The following KIAA0825 variants were observed in gnomAD, a reference collection of about 807,000 sequenced individuals.
The protein encoded by KIAA0825 is KIAA0825.
In KIAA0825, 119 loss-of-function variants were observed where a neutral mutation model predicts 147.6. The ratio of observed to expected loss-of-function variants is 0.81; its 90% CI spans 0.69 to 0.94. The LOEUF (loss-of-function observed/expected upper bound fraction) is 0.94, where lower values mean the gene tolerates loss of function less well. KIAA0825 is among the 40% of genes least tolerant of loss of function. KIAA0825 has a pLI of 0.00. For synonymous variants in KIAA0825, 470 were observed against 518.1 expected (o/e 0.91, Z 1.26); for missense variants, 1,381 against 1,472.7 (o/e 0.94, Z 1.02).
At chr5:94,532,781 T>G (rs1453056610) in intron 3 of KIAA0825, among the ~76,000 whole-genome samples, 1 of 149,244 alleles carries the variant, frequency 6.7e-6, no homozygotes, top group East Asian at 2.0e-4. Context: ...GTGATCTTCC[T>G]GCCTTGGCCT....
intron 14 of KIAA0825, among the ~76,000 whole-genome samples, chr5:94,430,502 C>T (rs913266695): frequency 3.9e-5 from 6 of 152,130 alleles, no homozygotes; most frequent in African/African-American, 1.4e-4. Context: ...CCACTTAAAA[C>T]ATCAAGTGCG....
intron 1 of KIAA0825, among the ~76,000 whole-genome samples, chr5:94,602,986 G>A (rs10039801): frequency 0.33 from 49,402 of 151,744 alleles, 8,485 homozygotes; most frequent in African/African-American, 0.36. Context: ...CTGCCATTGC[G>A]TCAGGCTAAT....
intron 12 of KIAA0825, among the ~76,000 whole-genome samples, chr5:94,459,921 TATC>T (rs1259350555): frequency 6.6e-6 from 1 of 152,134 alleles, no homozygotes; most frequent in African/African-American, 2.4e-5. Flanking sequence ...AAATAAAAAA[TATC>T]ATCAGCTTTT....
At chr5:94,602,526 A>T (rs975042516) in intron 1 of KIAA0825, among the ~76,000 whole-genome samples, 1 of 152,140 alleles carries the variant, frequency 6.6e-6, no homozygotes, top group Admixed American at 6.5e-5. Context: ...TGTTGTTGAG[A>T]GGAACCCTCT....
In KIAA0825 at chr5:94,179,845, CATGAATCCATACTAAT is replaced by C. The variant is rs539898004; in HGVS notation, c.3711-25737_3711-25722del. On this transcript the variant is annotated intron_variant, in intron 20 of 20. Transcript: ENST00000682413. ...ATAACCAAATAATAAAATAAATATA[CATGAATCCATACTAAT>C]ATAAATAATAACTGAGTAAATTGGG... Among the ~76,000 whole-genome samples the C allele has an allele frequency of 5.3e-3, 807 of 152,020 alleles. 8 individuals carry two copies. Among genetic ancestry groups the C allele is most frequent in the African/African-American group, 0.018 (751 of 41,488 alleles).
chr5:94,153,833 A>G lies in KIAA0825; in HGVS notation c.*174T>C. Reference sequence around the variant, plus strand: ...ATTTGAAATTATTTTTAAAATAAAAAAATATGTAGCACCTTATCCTTTATG... The same window carrying G: ...ATTTGAAATTATTTTTAAAATAAAAGAATATGTAGCACCTTATCCTTTATG... On this transcript the variant is annotated 3_prime_UTR_variant, in exon 21 of 21. Coordinates refer to ENST00000682413, the MANE Select transcript of KIAA0825 (RefSeq NM_001145678.3). The G allele has an allele frequency of 2.3e-6, 1 of 436,848 alleles. No homozygotes were observed. The highest frequency in any genetic ancestry group is 3.3e-5 in the East Asian group (1 of 30,440). 27.1% of individuals were successfully genotyped at this position (436,848 alleles called of 1,614,324 possible).
At chr5:94,428,527 A>C (rs930602775) in intron 14 of KIAA0825, among the ~76,000 whole-genome samples, 1 of 152,080 alleles carries the variant, frequency 6.6e-6, no homozygotes, top group African/African-American at 2.4e-5. Flanking sequence ...TGGGATATGA[A>C]ATTGTTGGTT....
chr5:94,250,583 C>G (rs1775898604), intron 20 of KIAA0825, among the ~76,000 whole-genome samples: 1 of 152,062 alleles, frequency 6.6e-6, no homozygotes, highest in Non-Finnish European at 1.5e-5. Flanking sequence ...TAACCGGAAG[C>G]TCATGTTAGA....
intron 1 of KIAA0825, chr5:94,592,830 T>A: frequency 2.0e-6 from 1 of 507,688 alleles, no homozygotes; most frequent in Non-Finnish European, 3.7e-6. Flanking sequence ...TAAGAGCTAT[T>A]TGTCCATTCT....
intron 20 of KIAA0825, among the ~76,000 whole-genome samples, chr5:94,294,846 C>T (rs543790712): frequency 6.6e-6 from 1 of 152,168 alleles, no homozygotes; most frequent in Non-Finnish European, 1.5e-5. Context: ...CTCTGGCTGC[C>T]CTTAACATTG....
intron 20 of KIAA0825, among the ~76,000 whole-genome samples, chr5:94,289,824 G>C (rs1314443505): frequency 6.6e-6 from 1 of 151,706 alleles, no homozygotes; most frequent in African/African-American, 2.4e-5. Context: ...AAGATCACTT[G>C]AGCCCAGGAG....
intron 5 of KIAA0825, among the ~76,000 whole-genome samples, chr5:94,502,402 T>C (rs941982904): frequency 6.6e-5 from 10 of 152,122 alleles, no homozygotes; most frequent in Non-Finnish European, 1.5e-4. Context: ...CCAGACCCAA[T>C]TGCACTGAAA....
At chr5:94,243,198 A>G (rs565035724) in intron 20 of KIAA0825, among the ~76,000 whole-genome samples, 7 of 152,328 alleles carry the variant, frequency 4.6e-5, no homozygotes, top group Non-Finnish European at 8.8e-5. Flanking sequence ...ATGTTCATCA[A>G]ATTCTTGCTT....
chr5:94,354,179 G>C (rs1009679695), intron 20 of KIAA0825, among the ~76,000 whole-genome samples: 6 of 152,076 alleles, frequency 3.9e-5, no homozygotes, highest in African/African-American at 1.4e-4. Context: ...TTCCTACCAA[G>C]AATTCCCAGG....
intron 20 of KIAA0825, among the ~76,000 whole-genome samples, chr5:94,156,255 C>T (rs1382516366): frequency 6.6e-6 from 1 of 152,060 alleles, no homozygotes; most frequent in Non-Finnish European, 1.5e-5. Context: ...AATTAACAAT[C>T]GTGGCTTAAA....
At chr5:94,156,751 G>GA (rs1209878324) in intron 20 of KIAA0825, among the ~76,000 whole-genome samples, 1 of 151,904 alleles carries the variant, frequency 6.6e-6, no homozygotes, top group Non-Finnish European at 1.5e-5. Context: ...TTATTAAGAA[G>GA]AAATCATTTC....
At chr5:94,386,558 T>C (rs1749169668) in intron 18 of KIAA0825, among the ~76,000 whole-genome samples, 154 bp from the exon 19 acceptor site, 1 of 151,494 alleles carries the variant, frequency 6.6e-6, no homozygotes, top group Non-Finnish European at 1.5e-5. Flanking sequence ...AGAAGATACA[T>C]AGTAGAGTAC....
chr5:94,616,333 C>T (rs571012869), intron 1 of KIAA0825, among the ~76,000 whole-genome samples: 1 of 152,106 alleles, frequency 6.6e-6, no homozygotes, highest in Non-Finnish European at 1.5e-5. Flanking sequence ...GAAAATTAGG[C>T]TATTTCTGTT....
At chr5:94,230,839 A>G (rs1774628048) in intron 20 of KIAA0825, among the ~76,000 whole-genome samples, 1 of 152,158 alleles carries the variant, frequency 6.6e-6, no homozygotes, top group Non-Finnish European at 1.5e-5. Context: ...GATCTTCCTC[A>G]CGTCCTTCCC....
Sources: allele counts gnomAD v4.1 joint callset (sites outside exome capture counted in the v4.1 genomes callset), GRCh38; gene constraint gnomAD v4.1.1; transcripts MANE v1.5; gene names NCBI Gene and HGNC (gene_info 2026-07-23, HGNC 2026-07-21).